NUBPL: variants seen among roughly 807,000 people sequenced by gnomAD.
NUBPL encodes NUBP iron-sulfur cluster assembly factor, mitochondrial.
NUBPL carries 31 observed loss-of-function variants against 45.7 expected under a neutral mutation model. That is an observed-to-expected ratio of 0.68 (90% CI 0.51 to 0.92). NUBPL has a LOEUF of 0.92. Ranked by LOEUF, NUBPL falls within the 40% of genes least tolerant of loss-of-function variation. The probability of loss-of-function intolerance (pLI) is 0.00; values close to 1 mark genes in which losing one functional copy is unlikely to be tolerated. For missense variants in NUBPL, 401 were observed against 398.7 expected, an observed-to-expected ratio of 1.01 and a Z score of -0.05; for synonymous variants, 144 against 140.9, an observed-to-expected ratio of 1.02 and a Z score of -0.15.
intron 4 of NUBPL, among the ~76,000 whole-genome samples, chr14:31,623,918 G>A (rs2035136715): frequency 6.6e-6 from 1 of 152,200 alleles, no homozygotes; most frequent in Admixed American, 6.5e-5. Flanking sequence ...TCTTGGGTTT[G>A]TTTGAAGAGT....
At chr14:31,808,096 G>T (rs112422522) in intron 7 of NUBPL, among the ~76,000 whole-genome samples, 9,568 of 152,258 alleles carry the variant, frequency 0.063, 411 homozygotes, top group Non-Finnish European at 0.091. Flanking sequence ...GGATTGACTT[G>T]GCGATGCGGA....
chr14:31,790,281 A>G (rs1238497151), intron 7 of NUBPL, among the ~76,000 whole-genome samples: 1 of 152,216 alleles, frequency 6.6e-6, no homozygotes, highest in Non-Finnish European at 1.5e-5. Context: ...CCAGCATTGC[A>G]TATAGATAGA....
intron 4 of NUBPL, among the ~76,000 whole-genome samples, chr14:31,611,954 T>C (rs1156420728): frequency 6.6e-6 from 1 of 152,168 alleles, no homozygotes; most frequent in African/African-American, 2.4e-5. Flanking sequence ...GACCTTCAAC[T>C]GTGAAGCTAC....
At chr14:31,852,531 C>T (rs7148196) in intron 10 of NUBPL, among the ~76,000 whole-genome samples, 39,855 of 151,992 alleles carry the variant, frequency 0.26, 7,913 homozygotes, top group African/African-American at 0.56. Context: ...ATTAGCTGGG[C>T]GTGGTGGCAC....
At chr14:31,823,504 T>C (rs971148433) in intron 7 of NUBPL, among the ~76,000 whole-genome samples, 1 of 152,110 alleles carries the variant, frequency 6.6e-6, no homozygotes, top group Non-Finnish European at 1.5e-5. Flanking sequence ...GCCAAGGAGA[T>C]TCCTCTGCTT....
chr14:31,681,920 T>G (rs766027377), intron 6 of NUBPL, among the ~76,000 whole-genome samples: 2 of 152,146 alleles, frequency 1.3e-5, no homozygotes, highest in Non-Finnish European at 2.9e-5. Flanking sequence ...TAAAATGTTT[T>G]GAGATTTTCT....
intron 6 of NUBPL, among the ~76,000 whole-genome samples, chr14:31,776,453 G>T (rs927252282): frequency 4.6e-5 from 7 of 152,148 alleles, no homozygotes; most frequent in Admixed American, 2.0e-4. Flanking sequence ...ATTGCAAGTC[G>T]ACTGACAAGG....
intron 2 of NUBPL, among the ~76,000 whole-genome samples, chr14:31,563,296 G>A (rs935266406): frequency 6.6e-6 from 1 of 152,136 alleles, no homozygotes; most frequent in Admixed American, 6.5e-5. Context: ...AGTTCTTTGC[G>A]TTTTGTAATT....
chr14:31,857,287 A>G (rs984160015), intron 10 of NUBPL, among the ~76,000 whole-genome samples: 2 of 152,178 alleles, frequency 1.3e-5, no homozygotes, highest in African/African-American at 2.4e-5. Context: ...CCAAGTCCCT[A>G]GTCTCCACAC....
intron 6 of NUBPL, among the ~76,000 whole-genome samples, chr14:31,744,214 G>T (rs141507923): frequency 6.6e-6 from 1 of 152,130 alleles, no homozygotes; most frequent in Non-Finnish European, 1.5e-5. Flanking sequence ...GCCTTATGTC[G>T]TAGACATGAA....
At chr14:31,840,323 C>G (rs898528400) in intron 8 of NUBPL, among the ~76,000 whole-genome samples, 4 of 152,096 alleles carry the variant, frequency 2.6e-5, no homozygotes, top group African/African-American at 4.8e-5. Context: ...CCTGTAATCC[C>G]AGCACTTTGG....
At chr14:31,717,027 A>G (rs1443870837) in intron 6 of NUBPL, among the ~76,000 whole-genome samples, 1 of 152,198 alleles carries the variant, frequency 6.6e-6, no homozygotes, top group Admixed American at 6.5e-5. Flanking sequence ...TATTCTGACT[A>G]ATCTTACTAA....
At chr14:31,642,225 C>T (rs547578738) in intron 4 of NUBPL, among the ~76,000 whole-genome samples, 1 of 152,198 alleles carries the variant, frequency 6.6e-6, no homozygotes, top group East Asian at 1.9e-4. Flanking sequence ...GTTGCCTGTA[C>T]TTTTGAGTTC....
rs1316801516 is a variant in NUBPL, at chr14:31,846,492, A to C, written c.715A>C (p.Met239Leu). 3.1e-6 allele frequency: 5 copies of C among 1,612,830 alleles called. No individual in the cohort carries two copies. Among genetic ancestry groups the C allele is most frequent in the Non-Finnish European group, 4.2e-6 (5 of 1,179,348 alleles). Residue 239 changes from methionine to leucine, a missense_variant, in exon 9 of 11, where the codon ATG (methionine) becomes CTG (leucine). Met to Leu is a conservative substitution (Grantham distance 15, BLOSUM62 2). Transcript: ENST00000281081. ...CTAGGTCCTTGGCCTTGTCCAAAAC[A>C]TGAGTGTTTTCCAGTGTCCAAAATG... Reference protein sequence around the residue: ...HVPVLGLVQNMSVFQCPKCKH... With the variant: ...HVPVLGLVQNLSVFQCPKCKH...
chr14:31,851,555 T>G (rs1006131456), intron 10 of NUBPL, among the ~76,000 whole-genome samples: 1 of 152,178 alleles, frequency 6.6e-6, no homozygotes, highest in Non-Finnish European at 1.5e-5. Context: ...GGTATAACAG[T>G]TACCATTATT....
At chr14:31,662,554 A>T (rs1027342261) in intron 4 of NUBPL, among the ~76,000 whole-genome samples, 2 of 151,798 alleles carry the variant, frequency 1.3e-5, no homozygotes, top group Non-Finnish European at 2.9e-5. Context: ...ACCACTTATG[A>T]TTGAGAACAT....
intron 4 of NUBPL, among the ~76,000 whole-genome samples, chr14:31,623,798 G>T (rs965626118): frequency 6.6e-6 from 1 of 152,162 alleles, no homozygotes; most frequent in African/African-American, 2.4e-5. Flanking sequence ...GGTGTTAAAA[G>T]TTGCACAATG....
At chr14:31,588,743 C>T (rs2034062780) in intron 3 of NUBPL, among the ~76,000 whole-genome samples, 1 of 151,494 alleles carries the variant, frequency 6.6e-6, no homozygotes, top group Non-Finnish European at 1.5e-5. Context: ...GGTGACACCC[C>T]TCTCTACTAA....
At chr14:31,694,988 G>A (rs1232410017) in intron 6 of NUBPL, among the ~76,000 whole-genome samples, 1 of 152,174 alleles carries the variant, frequency 6.6e-6, no homozygotes, top group Admixed American at 6.5e-5. Context: ...TAGAAGTTTT[G>A]ATGATTTAAA....
Sources: allele counts gnomAD v4.1 joint callset (sites outside exome capture counted in the v4.1 genomes callset), GRCh38; gene constraint gnomAD v4.1.1; transcripts MANE v1.5; gene names NCBI Gene and HGNC (gene_info 2026-07-23, HGNC 2026-07-21).